SLC14A2: variants seen among roughly 807,000 people sequenced by gnomAD.
The protein encoded by SLC14A2 is solute carrier family 14 member 2.
Under a neutral mutation model 104.6 loss-of-function variants are expected in SLC14A2, and 91 were observed. That is an observed-to-expected ratio of 0.87 (90% CI 0.73 to 1.04). The LOEUF is 1.04. Ranked by LOEUF, SLC14A2 falls within the 50% of genes least tolerant of loss-of-function variation. The pLI is 0.00. For synonymous variants in SLC14A2, 476 were observed against 466.4 expected, an observed-to-expected ratio of 1.02 and a Z score of -0.27; for missense variants, 1,189 against 1,156.0, an observed-to-expected ratio of 1.03 and a Z score of -0.41.
rs1237976616 is a variant in SLC14A2, at chr18:45,322,341, T to C, written c.-125+109150T>C. On this transcript the variant is annotated intron_variant, in intron 1 of 20. Transcript: ENST00000586448. Reference sequence around the variant, plus strand: ...CCTAAATGCTCTGTGACTCAGTGCATCAATTCTTATTTTCAAATAAGGAAT... The same window carrying C: ...CCTAAATGCTCTGTGACTCAGTGCACCAATTCTTATTTTCAAATAAGGAAT... 2.0e-5 allele frequency among the ~76,000 whole-genome samples: 3 copies of C among 152,196 alleles called. No individual in the cohort carries two copies. The East Asian group carries it at 5.8e-4, about 29-fold the overall frequency.
At chr18:45,627,464 T>C (rs1187631116) in intron 4 of SLC14A2, among the ~76,000 whole-genome samples, 1 of 152,174 alleles carries the variant, frequency 6.6e-6, no homozygotes, top group Non-Finnish European at 1.5e-5. Flanking sequence ...GCAATGAATG[T>C]CTCAGAATAA....
At chr18:45,202,923 A>G in the SLC14A2 span, among the ~76,000 whole-genome samples, 6 of 152,170 alleles carry the variant, frequency 3.9e-5, no homozygotes, top group African/African-American at 1.4e-4. Context: ...AAGAAAAAAA[A>G]GGAGGAAACC....
intron 2 of SLC14A2, among the ~76,000 whole-genome samples, chr18:45,514,136 A>G (rs2043405146): frequency 1.3e-5 from 2 of 152,186 alleles, no homozygotes; most frequent in Admixed American, 1.3e-4. Context: ...ACACTGCTAT[A>G]AAGACATGCC....
chr18:45,437,840 C>T (rs1300485740), intron 1 of SLC14A2, among the ~76,000 whole-genome samples: 1 of 152,156 alleles, frequency 6.6e-6, no homozygotes, highest in Non-Finnish European at 1.5e-5. Flanking sequence ...AACTTCTTGG[C>T]AGATAATAAC....
chr18:45,252,840 C>A (rs1176912474), intron 1 of SLC14A2, among the ~76,000 whole-genome samples: 1 of 139,642 alleles, frequency 7.2e-6, no homozygotes, highest in African/African-American at 2.7e-5. Flanking sequence ...GGAGAGAGGT[C>A]ATAGGAATTA....
chr18:45,327,566 C>G (rs1000849493), intron 1 of SLC14A2, among the ~76,000 whole-genome samples: 1 of 152,180 alleles, frequency 6.6e-6, no homozygotes. Context: ...CCCTGGTACC[C>G]TCTATTCTAC....
upstream of SLC14A2, among the ~76,000 whole-genome samples, chr18:45,611,361 G>A (rs1351044720): frequency 6.6e-6 from 1 of 152,126 alleles, no homozygotes; most frequent in Non-Finnish European, 1.5e-5. Flanking sequence ...GCAGGAAAAG[G>A]GGATCAAGGT....
chr18:45,301,115 C>A (rs1470576972), intron 1 of SLC14A2, among the ~76,000 whole-genome samples: 1 of 152,214 alleles, frequency 6.6e-6, no homozygotes, highest in African/African-American at 2.4e-5. Flanking sequence ...CTCTTCTTAA[C>A]ACATTTTGCC....
Position 45,576,019 on chromosome 18 carries a change from A to C in SLC14A2, c.-34-48612A>C, listed in dbSNP as rs201852707. Among the ~76,000 whole-genome samples, 23 of 152,304 alleles carry C rather than the reference A, an allele frequency of 1.5e-4. No homozygotes were observed. The East Asian group carries it at 3.1e-3, about 20-fold the overall frequency. ...CAAATTTTAAGAATTAAATGATCTTAAAGAGTCATAAATAGTGATTTGGCA... is the reference window on the plus strand; with the variant it reads ...CAAATTTTAAGAATTAAATGATCTTCAAGAGTCATAAATAGTGATTTGGCA... On this transcript the variant is annotated intron_variant, in intron 2 of 20. Transcript: ENST00000586448.
At chr18:45,603,102 T>A (rs2044815793) in intron 2 of SLC14A2, among the ~76,000 whole-genome samples, 1 of 152,098 alleles carries the variant, frequency 6.6e-6, no homozygotes, top group Non-Finnish European at 1.5e-5. Context: ...ATTGAGCAGA[T>A]GTGTCAGCTT....
At chr18:45,526,645 A>T (rs1256861791) in intron 2 of SLC14A2, among the ~76,000 whole-genome samples, 6 of 152,124 alleles carry the variant, frequency 3.9e-5, no homozygotes, top group Non-Finnish European at 5.9e-5. Context: ...TAGGGTGTAT[A>T]ATATTAGAGA....
intron 19 of SLC14A2, among the ~76,000 whole-genome samples, chr18:45,680,613 G>T (rs2144669513): frequency 6.6e-6 from 1 of 152,306 alleles, no homozygotes; most frequent in Middle Eastern, 3.4e-3. Context: ...ACAACCTCAT[G>T]TCTTCAACAA....
intron 1 of SLC14A2, among the ~76,000 whole-genome samples, chr18:45,410,596 G>T (rs1181281081): frequency 6.6e-6 from 1 of 152,102 alleles, no homozygotes; most frequent in East Asian, 1.9e-4. Flanking sequence ...ATATACTTAA[G>T]TATACAGGTG....
At chr18:45,455,457 A>G (rs1409866272) in intron 1 of SLC14A2, among the ~76,000 whole-genome samples, 4 of 152,024 alleles carry the variant, frequency 2.6e-5, no homozygotes, top group Admixed American at 2.6e-4. Context: ...GAACACATGG[A>G]CACAGGGAGG....
At chr18:45,453,703 A>G (rs1258351365) in intron 1 of SLC14A2, among the ~76,000 whole-genome samples, 1 of 152,120 alleles carries the variant, frequency 6.6e-6, no homozygotes, top group Admixed American at 6.5e-5. Flanking sequence ...CTGCGTAGAT[A>G]ACAATAGCTG....
At chr18:45,285,700 C>T (rs182953984) in intron 1 of SLC14A2, among the ~76,000 whole-genome samples, 126 of 140,662 alleles carry the variant, frequency 9.0e-4, no homozygotes, top group African/African-American at 3.1e-3. Context: ...GCTGGGATTA[C>T]AGACGTGAGC....
chr18:45,170,174 A>T, the SLC14A2 span, among the ~76,000 whole-genome samples: 1 of 152,114 alleles, frequency 6.6e-6, no homozygotes, highest in South Asian at 2.1e-4. Flanking sequence ...TGTTGCATAG[A>T]CCTGAGGTTC....
intron 1 of SLC14A2, among the ~76,000 whole-genome samples, chr18:45,214,623 G>T (rs2083991398): frequency 6.6e-6 from 1 of 152,130 alleles, no homozygotes; most frequent in South Asian, 2.1e-4. Flanking sequence ...CATGTTAGAT[G>T]TTGGGGCAGG....
At position 45,652,016 on chromosome 18, in the gene SLC14A2, G is replaced by A. The variant is rs75089680; in HGVS notation, c.1351+7856G>A. Among the ~76,000 whole-genome samples, 816 of 152,262 alleles carry A rather than the reference G, an allele frequency of 5.4e-3. 8 individuals carry two copies. The highest frequency in any genetic ancestry group is 0.019 in the African/African-American group (778 of 41,530). ...ATCTGCCTGTCAGGAAACTGTCTTC[G>A]CAGCCTGAGTTTGTGGTTATATCAG... is the stretch of plus-strand genomic sequence containing the variant. On this transcript the variant is annotated intron_variant, in intron 10 of 19. Coordinates refer to ENST00000255226, the MANE Select transcript of SLC14A2 (RefSeq NM_007163.4).
Sources: allele counts gnomAD v4.1 joint callset (sites outside exome capture counted in the v4.1 genomes callset), GRCh38; gene constraint gnomAD v4.1.1; transcripts MANE v1.5; gene names NCBI Gene and HGNC (gene_info 2026-07-23, HGNC 2026-07-21).